The following OSBP2 variants were observed in gnomAD, a reference collection of about 807,000 sequenced individuals.
OSBP2 encodes oxysterol binding protein 2, also known as oxysterol-binding protein 2.
Under a neutral mutation model 96.0 loss-of-function variants are expected in OSBP2, and 66 were observed. The observed-to-expected ratio is 0.69, with a 90% CI of 0.56 to 0.84. The LOEUF (loss-of-function observed/expected upper bound fraction) is 0.84. Among genes scored for constraint, OSBP2 ranks in the 40% least tolerant of loss-of-function variants. The pLI is 0.00. For synonymous variants in OSBP2, 525 were observed against 520.9 expected (o/e 1.01, Z -0.11); for missense variants, 1,038 against 1,222.7 (o/e 0.85, Z 2.25).
intron 2 of OSBP2, among the ~76,000 whole-genome samples, chr22:30,862,706 G>T (rs1360452352): frequency 1.3e-5 from 2 of 151,974 alleles, no homozygotes. Flanking sequence ...AGGCGCGGTG[G>T]CTTGTGCCTG....
intron 1 of OSBP2, among the ~76,000 whole-genome samples, chr22:30,697,213 G>A (rs113244970): frequency 6.0e-4 from 92 of 152,316 alleles, no homozygotes; most frequent in African/African-American, 1.9e-3. Flanking sequence ...GAAATGCCTG[G>A]TTTTAGTGGA....
intron 2 of OSBP2, among the ~76,000 whole-genome samples, chr22:30,821,901 T>C (rs923398502): frequency 1.3e-5 from 2 of 152,258 alleles, no homozygotes; most frequent in African/African-American, 2.4e-5. Context: ...GTAATTAACT[T>C]TGCTAACTTA....
intron 2 of OSBP2, among the ~76,000 whole-genome samples, chr22:30,869,311 A>G (rs1054941512): frequency 1.3e-5 from 2 of 151,782 alleles, no homozygotes; most frequent in Non-Finnish European, 2.9e-5. Context: ...GTATGACTTC[A>G]CCTCTCAGAG....
intron 12 of OSBP2, among the ~76,000 whole-genome samples, chr22:30,896,044 G>A (rs773365473): frequency 4.0e-5 from 6 of 151,566 alleles, no homozygotes; most frequent in South Asian, 2.1e-4. Flanking sequence ...TTTTGAGATG[G>A]AGTCTCACTC....
intron 1 of OSBP2, among the ~76,000 whole-genome samples, chr22:30,714,984 A>T (rs2089423649): frequency 6.6e-6 from 1 of 151,672 alleles, no homozygotes; most frequent in African/African-American, 2.4e-5. Context: ...TCTATTTTTA[A>T]TTTTTTTAGG....
chr22:30,843,452 C>CT (rs5844926), intron 2 of OSBP2, among the ~76,000 whole-genome samples: 4 of 83,748 alleles, frequency 4.8e-5, no homozygotes, highest in African/African-American at 1.7e-4. Context: ...TTTCCCCCCT[C>CT]CCCCTTGAGC....
intron 5 of OSBP2, among the ~76,000 whole-genome samples, chr22:30,888,946 A>G (rs5753375): frequency 0.05 from 7,567 of 152,282 alleles, 257 homozygotes; most frequent in East Asian, 0.12. Flanking sequence ...GTATCTAAAC[A>G]TAGAAAAGGT....
At chr22:30,886,723 A>G (rs1329001823) in intron 3 of OSBP2, among the ~76,000 whole-genome samples, 1 of 152,218 alleles carries the variant, frequency 6.6e-6, no homozygotes, top group Non-Finnish European at 1.5e-5. Context: ...TCTGATGAGA[A>G]TGTATGGTTT....
At chr22:30,763,769 T>C (rs2090236037) in intron 2 of OSBP2, among the ~76,000 whole-genome samples, 1 of 152,032 alleles carries the variant, frequency 6.6e-6, no homozygotes, top group Non-Finnish European at 1.5e-5. Flanking sequence ...TTATTGTGTG[T>C]CTGAAATTCA....
upstream of OSBP2, chr22:30,694,257 G>A (rs79925406): frequency 6.5e-7 from 1 of 1,549,748 alleles, no homozygotes; most frequent in Admixed American, 2.0e-5. Context: ...GGCATGAACC[G>A]TAGGCCAGCT....
chr22:30,694,908 C>T lies in OSBP2; in HGVS notation c.-2C>T, dbSNP rs1602132257. On this transcript the variant is annotated 5_prime_UTR_variant, in exon 1 of 14. Transcript: ENST00000332585. ...TCGGCCGCGCGCGGGTCGGCCGGCT[C>T]TATGGGGAAAGCGGCGGCTCCGAGC... The T allele has an allele frequency of 2.9e-6, 4 of 1,396,436 alleles. No homozygotes were observed. The highest frequency in any genetic ancestry group is 3.2e-5 in the Admixed American group (1 of 31,706). The allele number at this position is 1,396,436 out of a possible 1,614,324, so 86.5% of individuals were successfully genotyped here.
At chr22:30,861,661 G>A (rs1346699334) in intron 2 of OSBP2, among the ~76,000 whole-genome samples, 1 of 152,168 alleles carries the variant, frequency 6.6e-6, no homozygotes, top group East Asian at 1.9e-4. Flanking sequence ...GAGGAGTGGC[G>A]TCACTTGTCT....
In OSBP2 at chr22:30,694,992, C is replaced by G. The variant is rs1179336966; in HGVS notation, c.83C>G (p.Pro28Arg). The G allele has an allele frequency of 6.4e-7, 1 of 1,562,654 alleles. No individual in the cohort carries two copies. The change falls in exon 1 of 14, where the codon CCC becomes CGC. Residue 28 changes from proline (P) to arginine (R), a missense_variant. Physicochemically the swap from Pro to Arg is moderately radical, Grantham distance 103. This residue lies in a region of OSBP2 where 281 missense variants were observed against 273.4 expected (regional missense o/e 1.03). Coordinates refer to ENST00000332585, the MANE Select transcript of OSBP2 (RefSeq NM_030758.4). ...RGLSSLFTVV[P>R]CLSCHTAAPG... is the part of the protein sequence containing the mutation. ...CTCTCGTCGCTGTTCACGGTTGTCC[C>G]CTGCCTGTCGTGCCACACGGCGGCG...
intron 1 of OSBP2, among the ~76,000 whole-genome samples, chr22:30,719,744 ACT>A (rs2089516307): frequency 2.1e-5 from 3 of 145,426 alleles, no homozygotes. Flanking sequence ...ACAAAGTGAG[ACT>A]CTGTCTCAAA....
At chr22:30,857,450 G>T (rs1036659970) in intron 2 of OSBP2, among the ~76,000 whole-genome samples, 13 of 152,222 alleles carry the variant, frequency 8.5e-5, no homozygotes, top group African/African-American at 2.4e-4. Flanking sequence ...TGGGTGGGCC[G>T]GAAATAGTCG....
intron 1 of OSBP2, among the ~76,000 whole-genome samples, chr22:30,725,017 CA>C (rs5844922): frequency 0.73 from 108,838 of 149,672 alleles, 39,941 homozygotes; most frequent in East Asian, 0.95. Context: ...ACTAAAAATA[CA>C]AAAAAAAATT....
chr22:30,880,431 G>C (rs1173160516), intron 3 of OSBP2, among the ~76,000 whole-genome samples: 2 of 152,216 alleles, frequency 1.3e-5, no homozygotes, highest in Non-Finnish European at 2.9e-5. Context: ...GACCTCCTGT[G>C]TGTGCTAATG....
chr22:30,819,674 AAT>A (rs952940857), intron 2 of OSBP2, among the ~76,000 whole-genome samples: 18 of 152,268 alleles, frequency 1.2e-4, no homozygotes, highest in African/African-American at 4.3e-4. Context: ...AGAAAAGAGA[AAT>A]AGTGTGTGTG....
chr22:30,893,801 C>T lies in OSBP2; in HGVS notation c.2191-16C>T, dbSNP rs1405696448. The T allele has an allele frequency of 1.2e-6, 2 of 1,601,710 alleles. No individual in the cohort carries two copies. The highest frequency in any genetic ancestry group is 1.7e-6 in the Non-Finnish European group (2 of 1,174,082). Reference sequence around the variant, plus strand: ...GGCAGAGTCTGCACCTACGCTGGTCCTGCCAATGTCCACAGGTGACAGGAG... The same window carrying T: ...GGCAGAGTCTGCACCTACGCTGGTCTTGCCAATGTCCACAGGTGACAGGAG... On this transcript the variant is annotated splice_polypyrimidine_tract_variant and intron_variant, in intron 11 of 13. Transcript: ENST00000332585.
Sources: allele counts gnomAD v4.1 joint callset (sites outside exome capture counted in the v4.1 genomes callset), GRCh38; gene constraint gnomAD v4.1.1; regional missense constraint gnomAD v4.1.1; transcripts MANE v1.5; gene names NCBI Gene and HGNC (gene_info 2026-07-23, HGNC 2026-07-21).